Variants in DDX60L observed in about 807,000 individuals in gnomAD.
The protein encoded by DDX60L is DExD/H-box 60 like.
A neutral mutation model predicts 211.6 loss-of-function variants in DDX60L; 191 were observed. The ratio of observed to expected loss-of-function variants is 0.90; its 90% CI spans 0.80 to 1.02. DDX60L has a LOEUF of 1.02. DDX60L is among the 50% of genes least tolerant of loss of function. The pLI is 0.00. For synonymous variants in DDX60L, 706 were observed against 694.1 expected (o/e 1.02, Z -0.27); for missense variants, 2,007 against 1,984.1 (o/e 1.01, Z -0.22).
intron 13 of DDX60L, 97 bp from the exon 14 acceptor site, chr4:168,427,419 T>G: frequency 1.7e-5 from 22 of 1,280,836 alleles, no homozygotes; most frequent in African/African-American, 3.0e-5. Context: ...CTGAGGACTC[T>G]GGCCATCATT....
chr4:168,460,063 C>T (rs540317257), intron 5 of DDX60L, among the ~76,000 whole-genome samples: 2 of 152,148 alleles, frequency 1.3e-5, no homozygotes, highest in South Asian at 2.1e-4. Context: ...AGGCGGAGTT[C>T]CAATTTCAAA....
chr4:168,442,043 C>T (rs180791670), intron 9 of DDX60L, among the ~76,000 whole-genome samples: 1 of 152,084 alleles, frequency 6.6e-6, no homozygotes, highest in Admixed American at 6.5e-5. Flanking sequence ...CAGCTCCCAG[C>T]GTGAGCAACG....
intron 29 of DDX60L, among the ~76,000 whole-genome samples, chr4:168,385,998 G>A (rs1207565149): frequency 1.3e-5 from 2 of 151,916 alleles, no homozygotes; most frequent in Non-Finnish European, 2.9e-5. Context: ...GGGAGGGAGA[G>A]GGAAAGGGAG....
In DDX60L at chr4:168,419,416, A is replaced by G. The variant is rs1275491582; in HGVS notation, c.2515-19T>C. ...TAAGTACCTACAAATATGAATGATT[A>G]GTGTAGCTAACTTTATGGAGCATTA... On this transcript the variant is annotated intron_variant, in intron 18 of 37. Transcript: ENST00000682922. 3 of 1,534,692 alleles carry G rather than the reference A, an allele frequency of 2.0e-6. No homozygotes were observed. In the South Asian group the frequency reaches 3.6e-5, roughly 19 times the overall value.
chr4:168,407,739 G>C (rs1315027435), intron 22 of DDX60L, among the ~76,000 whole-genome samples: 2 of 152,184 alleles, frequency 1.3e-5, no homozygotes, highest in East Asian at 3.9e-4. Flanking sequence ...CAAAGATAGA[G>C]TTCAGAAAGC....
chr4:168,392,332 C>A (rs919456391), intron 28 of DDX60L, among the ~76,000 whole-genome samples: 3 of 152,132 alleles, frequency 2.0e-5, no homozygotes, highest in Admixed American at 2.0e-4. Flanking sequence ...CATATAGCTG[C>A]TCTCTCTTCC....
chr4:168,445,764 G>A (rs367575349), intron 9 of DDX60L, among the ~76,000 whole-genome samples: 7 of 144,440 alleles, frequency 4.8e-5, no homozygotes, highest in African/African-American at 1.5e-4. Context: ...TATAAACAGA[G>A]CCAAAGACAA....
chr4:168,435,640 G>A (rs552191088), intron 10 of DDX60L, among the ~76,000 whole-genome samples: 1 of 152,176 alleles, frequency 6.6e-6, no homozygotes, highest in South Asian at 2.1e-4. Context: ...TGTTAATAAA[G>A]ACCACCAGGA....
Position 168,405,965 on chromosome 4 carries a change from AT to A in DDX60L, c.3197del (p.Asn1066MetfsTer4). On this transcript the variant is annotated frameshift_variant, in exon 24 of 38. Coordinates refer to ENST00000682922, the MANE Select transcript of DDX60L (RefSeq NM_001012967.3). LOFTEE classifies it high-confidence loss of function. ...LKAELTNWIK[N>X]GQVKKVKRVL... is the part of the protein sequence containing the mutation. Reference sequence around the variant, plus strand: ...TGAAAATTACCTTCTTCACTTGGCCATTTTTAATCCAATTTGTCAATTCTGC... The same window carrying A: ...TGAAAATTACCTTCTTCACTTGGCCATTTTAATCCAATTTGTCAATTCTGC... 3 of 1,575,232 alleles carry A rather than the reference AT, an allele frequency of 1.9e-6. No homozygotes were observed. Among genetic ancestry groups the A allele is most frequent in the Admixed American group, 1.9e-5 (1 of 52,734 alleles).
At chr4:168,460,604 T>C (rs1390992093) in intron 5 of DDX60L, among the ~76,000 whole-genome samples, 1 of 151,838 alleles carries the variant, frequency 6.6e-6, no homozygotes. Flanking sequence ...AAACCACTTC[T>C]TTACTTATAA....
At chr4:168,429,258 C>T (rs951566504) in intron 13 of DDX60L, among the ~76,000 whole-genome samples, 2 of 152,144 alleles carry the variant, frequency 1.3e-5, no homozygotes, top group African/African-American at 2.4e-5. Flanking sequence ...AATTGTCCTA[C>T]CTCAGCCTCC....
intron 15 of DDX60L, 108 bp from the exon 16 acceptor site, chr4:168,422,778 T>C: frequency 2.4e-6 from 2 of 821,344 alleles, no homozygotes; most frequent in Non-Finnish European, 3.7e-6. Context: ...TTTACTACAC[T>C]TTTTTTTATT....
At chr4:168,386,839 A>T (rs1234465782) in intron 29 of DDX60L, among the ~76,000 whole-genome samples, 1 of 152,218 alleles carries the variant, frequency 6.6e-6, no homozygotes, top group East Asian at 1.9e-4. Flanking sequence ...GATGGTTAGA[A>T]ACAGTAAGAA....
intron 3 of DDX60L, 136 bp downstream of exon 3, chr4:168,472,319 T>C (rs894744803): frequency 7.6e-6 from 5 of 660,354 alleles, no homozygotes; most frequent in Admixed American, 6.0e-5. Flanking sequence ...GGAAGAAGAG[T>C]GCGTTCCCAT....
chr4:168,416,696 T>C lies in DDX60L; in HGVS notation c.2712A>G (p.Pro904=), dbSNP rs1162976714. 3 of 1,595,556 alleles carry C rather than the reference T, an allele frequency of 1.9e-6. No homozygotes were observed. The highest frequency in any genetic ancestry group is 2.6e-6 in the Non-Finnish European group (3 of 1,173,200). Residue 904 remains proline, a synonymous_variant, in exon 20 of 38, where the codon CCA becomes CCG. Transcript: ENST00000682922. ...FLVLSATINN[P]NLLTKWLQSV... ...CCTATACCTACTTGGTGAGAAGATT[T>C]GGGTTATTTATGGTAGCTGAAAGAA... is the stretch of plus-strand genomic sequence containing the variant.
intron 29 of DDX60L, among the ~76,000 whole-genome samples, chr4:168,386,657 A>G (rs1022870544): frequency 7.4e-6 from 1 of 135,456 alleles, no homozygotes; most frequent in African/African-American, 2.6e-5. Flanking sequence ...ACTGAGAAGT[A>G]GCAGATTCAA....
chr4:168,455,603 C>T (rs1385111020), intron 7 of DDX60L, among the ~76,000 whole-genome samples: 1 of 152,040 alleles, frequency 6.6e-6, no homozygotes, highest in African/African-American at 2.4e-5. Flanking sequence ...GTGATAATTG[C>T]TATACTGAAA....
At chr4:168,455,898 C>T (rs780294324) in intron 7 of DDX60L, 141 bp downstream of exon 7, 13 of 577,400 alleles carry the variant, frequency 2.3e-5, no homozygotes, top group Non-Finnish European at 3.9e-5. Flanking sequence ...GGGGAAGGGG[C>T]TAAATTCCTA....
At chr4:168,409,184 G>T (rs573316190) in intron 22 of DDX60L, among the ~76,000 whole-genome samples, 1 of 152,182 alleles carries the variant, frequency 6.6e-6, no homozygotes, top group Non-Finnish European at 1.5e-5. Context: ...CAAAAGTAAA[G>T]TATCACAGAG....
Sources: allele counts gnomAD v4.1 joint callset (sites outside exome capture counted in the v4.1 genomes callset), GRCh38; gene constraint gnomAD v4.1.1; transcripts MANE v1.5; gene names NCBI Gene and HGNC (gene_info 2026-07-23, HGNC 2026-07-21).